Variants in FHOD3 observed in about 807,000 individuals in gnomAD.
The protein encoded by FHOD3 is FH1/FH2 domain-containing protein 3.
In FHOD3, 90 loss-of-function variants were observed where a neutral mutation model predicts 173.0. The observed-to-expected ratio is 0.52, with a 90% CI of 0.44 to 0.62. FHOD3 has a LOEUF of 0.62. Among genes scored for constraint, FHOD3 ranks in the 20% least tolerant of loss-of-function variants. The pLI, the probability that FHOD3 is intolerant of heterozygous loss-of-function variation, is 0.00. For synonymous variants in FHOD3, 828 were observed against 823.0 expected (o/e 1.01, Z -0.10); for missense variants, 1,945 against 2,034.7 (o/e 0.96, Z 0.85).
intron 14 of FHOD3, among the ~76,000 whole-genome samples, chr18:36,661,218 C>T (rs2036776341): frequency 2.0e-5 from 3 of 151,936 alleles, no homozygotes; most frequent in African/African-American, 2.4e-5. Flanking sequence ...TGATAATAGA[C>T]ATTTTTATAT....
chr18:36,441,718 T>C (rs1340603595), intron 3 of FHOD3, among the ~76,000 whole-genome samples: 1 of 152,252 alleles, frequency 6.6e-6, no homozygotes, highest in African/African-American at 2.4e-5. Context: ...GTGATGCTCC[T>C]TAATTATAGA....
At chr18:36,451,440 A>C (rs1476001274) in intron 3 of FHOD3, among the ~76,000 whole-genome samples, 1 of 152,216 alleles carries the variant, frequency 6.6e-6, no homozygotes, top group Non-Finnish European at 1.5e-5. Flanking sequence ...CTTTCTTGGA[A>C]GTGGTCATAA....
chr18:36,638,437 A>T (rs549149872), intron 10 of FHOD3, among the ~76,000 whole-genome samples: 1 of 152,202 alleles, frequency 6.6e-6, no homozygotes, highest in East Asian at 1.9e-4. Flanking sequence ...CACAGCACAG[A>T]GTCCGGTTAT....
At chr18:36,746,665 T>C (rs1568719978) in intron 23 of FHOD3, among the ~76,000 whole-genome samples, 1 of 152,216 alleles carries the variant, frequency 6.6e-6, no homozygotes, top group South Asian at 2.1e-4. Flanking sequence ...CTTGATATCA[T>C]GTTTTAATTT....
At chr18:36,358,823 G>A (rs570089751) in intron 2 of FHOD3, among the ~76,000 whole-genome samples, 3 of 152,046 alleles carry the variant, frequency 2.0e-5, no homozygotes, top group Non-Finnish European at 4.4e-5. Flanking sequence ...TGTAGAGACG[G>A]GGTCTCCTTA....
intron 3 of FHOD3, among the ~76,000 whole-genome samples, chr18:36,433,004 G>A (rs1317287201): frequency 1.3e-5 from 2 of 152,148 alleles, no homozygotes; most frequent in African/African-American, 4.8e-5. Flanking sequence ...ATCAGGAGGT[G>A]GATGTGCTCA....
intron 2 of FHOD3, among the ~76,000 whole-genome samples, chr18:36,362,216 A>AC (rs1488267670): frequency 6.6e-6 from 1 of 152,108 alleles, no homozygotes; most frequent in African/African-American, 2.4e-5. Flanking sequence ...CCCTGGGGGG[A>AC]CAAGCAGGGA....
intron 5 of FHOD3, among the ~76,000 whole-genome samples, chr18:36,524,795 T>C (rs1292727813): frequency 6.6e-6 from 1 of 152,210 alleles, no homozygotes; most frequent in Non-Finnish European, 1.5e-5. Context: ...GCCCTGATTT[T>C]TCTATGGTTG....
chr18:36,490,827 G>T (rs771386366), intron 3 of FHOD3, among the ~76,000 whole-genome samples: 2 of 152,224 alleles, frequency 1.3e-5, no homozygotes, highest in Non-Finnish European at 2.9e-5. Context: ...GAGGAGTTAG[G>T]ATTGCCTGCT....
At chr18:36,688,221 G>T (rs2038750240) in intron 16 of FHOD3, among the ~76,000 whole-genome samples, 1 of 152,198 alleles carries the variant, frequency 6.6e-6, no homozygotes, top group African/African-American at 2.4e-5. Context: ...TCTACCACCA[G>T]GTGGGGTGAC....
intron 1 of FHOD3, among the ~76,000 whole-genome samples, chr18:36,342,127 G>A (rs2045655341): frequency 6.6e-6 from 1 of 152,152 alleles, no homozygotes; most frequent in African/African-American, 2.4e-5. Flanking sequence ...CACAGATGGA[G>A]GGAGAATTAA....
intron 1 of FHOD3, among the ~76,000 whole-genome samples, chr18:36,321,311 G>A (rs546275911): frequency 1.1e-4 from 17 of 152,222 alleles, no homozygotes; most frequent in African/African-American, 4.1e-4. Flanking sequence ...GTGCTCCCAT[G>A]TGTGGGCTAT....
At chr18:36,613,413 C>T (rs116397764) in intron 9 of FHOD3, among the ~76,000 whole-genome samples, 3,823 of 152,238 alleles carry the variant, frequency 0.025, 171 homozygotes, top group African/African-American at 0.088. Flanking sequence ...AAGTACTTAA[C>T]TATGAGAGTG....
chr18:36,449,290 G>A (rs552335811), intron 3 of FHOD3, among the ~76,000 whole-genome samples: 2 of 152,052 alleles, frequency 1.3e-5, no homozygotes, highest in East Asian at 3.9e-4. Context: ...TTAAATATTT[G>A]TTATTCTTAT....
In FHOD3 at chr18:36,297,740, C is replaced by A; in HGVS notation, c.-96C>A. On this transcript the variant is annotated 5_prime_UTR_variant, in exon 1 of 29. In the 5' UTR this introduces an upstream ATG that the reference lacks. Coordinates refer to ENST00000590592, the MANE Select transcript of FHOD3 (RefSeq NM_001281740.3). ...GCCTGCGAGTCCGCGAGCCAGCGAGCTGCGGCTGCGGCCTCCCCTGCGCGC... is the reference window on the plus strand; with the variant it reads ...GCCTGCGAGTCCGCGAGCCAGCGAGATGCGGCTGCGGCCTCCCCTGCGCGC... The A allele has an allele frequency of 1.0e-6, 1 of 1,003,238 alleles. No individual in the cohort carries two copies. The highest frequency in any genetic ancestry group is 1.3e-6 in the Non-Finnish European group (1 of 783,108). The allele number at this position is 1,003,238 out of a possible 1,614,324, so 62.1% of individuals were successfully genotyped here. A position where few individuals can be genotyped will look rare whatever the true frequency, so the allele number is the denominator to read the frequency against.
chr18:36,457,637 T>C (rs367988691), intron 3 of FHOD3, among the ~76,000 whole-genome samples: 5 of 152,280 alleles, frequency 3.3e-5, no homozygotes, highest in Admixed American at 2.0e-4. Flanking sequence ...TGCCTGATGG[T>C]ATTAGAGTGA....
intron 20 of FHOD3, among the ~76,000 whole-genome samples, chr18:36,740,193 CTTAAG>C (rs2041837881): frequency 1.3e-5 from 2 of 152,138 alleles, no homozygotes; most frequent in Admixed American, 6.5e-5. Context: ...TGCAATCAGA[CTTAAG>C]TTTAGTATTA....
intron 5 of FHOD3, among the ~76,000 whole-genome samples, chr18:36,563,521 G>A (rs1235544107): frequency 2.6e-5 from 4 of 152,310 alleles, no homozygotes; most frequent in Admixed American, 6.5e-5. Flanking sequence ...CATCAGCCAC[G>A]TGCTGTGCTA....
chr18:36,475,707 T>C (rs2053528173), intron 3 of FHOD3, among the ~76,000 whole-genome samples: 1 of 151,690 alleles, frequency 6.6e-6, no homozygotes, highest in South Asian at 2.1e-4. Flanking sequence ...CCAAAATCTA[T>C]AGAGGTGGGA....
Sources: allele counts gnomAD v4.1 joint callset (sites outside exome capture counted in the v4.1 genomes callset), GRCh38; gene constraint gnomAD v4.1.1; transcripts MANE v1.5; gene names NCBI Gene and HGNC (gene_info 2026-07-23, HGNC 2026-07-21).